Variants in ARHGAP20 observed in about 807,000 individuals in gnomAD.
ARHGAP20 encodes rho GTPase-activating protein 20.
A neutral mutation model predicts 73.7 loss-of-function variants in ARHGAP20; 34 were observed. The ratio of observed to expected loss-of-function variants is 0.46; its 90% CI spans 0.35 to 0.61. The LOEUF (loss-of-function observed/expected upper bound fraction) is 0.61, where lower values mean the gene tolerates loss of function less well. Among genes scored for constraint, ARHGAP20 ranks in the 20% least tolerant of loss-of-function variants. The pLI is 0.00. For missense variants in ARHGAP20, 1,314 were observed against 1,420.9 expected (o/e 0.92, Z 1.21); for synonymous variants, 523 against 518.2 (o/e 1.01, Z -0.13).
At chr11:110,660,067 A>C (rs1192896869) in intron 2 of ARHGAP20, among the ~76,000 whole-genome samples, 3 of 150,958 alleles carry the variant, frequency 2.0e-5, no homozygotes, top group Admixed American at 6.6e-5. Context: ...AAAACAAAAA[A>C]AAAAAAAAAA....
Position 110,642,701 on chromosome 11 carries a change from G to A in ARHGAP20, c.189-11909C>T, listed in dbSNP as rs190768082. On this transcript the variant is annotated intron_variant, in intron 2 of 14. Transcript: ENST00000683387. ...ATTTGGTTTGGTAGTATTTTGTCGAGGATTTTTGTGTCTATGTTCCTCAAG... is the reference window on the plus strand; with the variant it reads ...ATTTGGTTTGGTAGTATTTTGTCGAAGATTTTTGTGTCTATGTTCCTCAAG... Among the ~76,000 whole-genome samples, 42 of 152,120 alleles carry A rather than the reference G, an allele frequency of 2.8e-4. No homozygotes were observed. The East Asian group carries it at 7.3e-3, about 27-fold the overall frequency.
chr11:110,698,127 C>A (rs77056964), intron 1 of ARHGAP20, among the ~76,000 whole-genome samples: 5 of 151,422 alleles, frequency 3.3e-5, no homozygotes, highest in African/African-American at 1.2e-4. Context: ...GTTTTTATCA[C>A]GAAGGATGTT....
rs149959789 is a variant in ARHGAP20 at position 110,682,957 on chromosome 11, A to G, written c.188+7590T>C. ...ACCAAGTACTTTCTCTTATACCACA[A>G]TTCTTCCCTGGTGTTGTCTGTCCCT... On this transcript the variant is annotated intron_variant, in intron 2 of 14. Transcript: ENST00000683387. Among the ~76,000 whole-genome samples, 149 of 152,028 alleles carry G rather than the reference A, an allele frequency of 9.8e-4. 1 individual carries two copies. The East Asian group carries it at 0.027, about 27-fold the overall frequency.
chr11:110,606,677 T>C lies in ARHGAP20; in HGVS notation c.848A>G (p.Asp283Gly). The change falls in exon 9 of 15, where the codon GAC becomes GGC. Residue 283 changes from aspartate (D) to glycine (G), a missense_variant. Asp to Gly is a moderately conservative substitution (Grantham distance 94). This residue lies in a region of ARHGAP20 where 443 missense variants were observed against 466.4 expected (regional missense o/e 0.95). Transcript: ENST00000683387. The stretch of plus-strand genomic sequence containing the variant: ...CTGGAGGTTGAAAGGGGTGGTAGAG[T>C]CCTTTGATCCCGGTGTCAGGAGTGC... The part of the protein sequence containing the change: ...DSALLTPGSK[D>G]STTPFNLQEP... The C allele has an allele frequency of 6.2e-7, 1 of 1,603,554 alleles. No homozygotes were observed. The highest frequency in any genetic ancestry group is 1.7e-4 in the Middle Eastern group (1 of 5,940).
intron 4 of ARHGAP20, among the ~76,000 whole-genome samples, chr11:110,621,318 T>G (rs1448589142): frequency 1.3e-5 from 2 of 152,108 alleles, no homozygotes; most frequent in Non-Finnish European, 2.9e-5. Flanking sequence ...TTACCAAATT[T>G]AGGTAGTTTT....
intron 12 of ARHGAP20, 137 bp from the exon 13 acceptor site, chr11:110,583,874 AC>A: frequency 1.5e-6 from 1 of 650,340 alleles, no homozygotes; most frequent in Non-Finnish European, 2.3e-6. Flanking sequence ...TTAACATGGT[AC>A]CATACAAAGT....
rs1442717707 is a variant in ARHGAP20 at position 110,580,820 on chromosome 11, T to G, written c.2126A>C (p.Asp709Ala). The G allele has an allele frequency of 6.2e-7, 1 of 1,614,028 alleles. No homozygotes were observed. Among genetic ancestry groups the G allele is most frequent in the East Asian group, 2.2e-5 (1 of 44,894 alleles). The change falls in exon 15 of 15, where the codon GAC (aspartate) becomes GCC (alanine). Residue 709 changes from aspartate (D) to alanine (A), a missense_variant. Asp to Ala is a moderately radical substitution (Grantham distance 126). This residue lies in a region of ARHGAP20 where 641 missense variants were observed against 636.9 expected (regional missense o/e 1.01). Coordinates refer to ENST00000683387, the MANE Select transcript of ARHGAP20 (RefSeq NM_001384657.1). ...RHRRCSEPSIDYLDSKLSYLR... is the reference protein window; with the variant it reads ...RHRRCSEPSIAYLDSKLSYLR... The stretch of plus-strand genomic sequence containing the variant: ...GTAGGAAAGCTTTGAATCCAGATAG[T>G]CGATGCTGGGCTCTGAGCAACGCCG...
chr11:110,581,931 A>C (rs1947481568), intron 14 of ARHGAP20, among the ~76,000 whole-genome samples: 1 of 61,542 alleles, frequency 1.6e-5, no homozygotes, highest in Non-Finnish European at 3.7e-5. Context: ...AGGAGAGGAC[A>C]AAAAAAAAAA....
intron 4 of ARHGAP20, among the ~76,000 whole-genome samples, chr11:110,617,260 T>C (rs1157060998): frequency 6.6e-6 from 1 of 151,804 alleles, no homozygotes; most frequent in African/African-American, 2.4e-5. Flanking sequence ...ATTTTCTTTT[T>C]CTTTCTTTTT....
At chr11:110,598,230 A>T (rs1216892359) in intron 9 of ARHGAP20, among the ~76,000 whole-genome samples, 1 of 152,122 alleles carries the variant, frequency 6.6e-6, no homozygotes, top group East Asian at 1.9e-4. Flanking sequence ...GTAAACAGAA[A>T]AAAAGATGTA....
chr11:110,582,395 C>T lies in ARHGAP20; in HGVS notation c.1646G>A (p.Arg549Lys). The change falls in exon 14 of 15, where the codon AGG becomes AAG. Residue 549 changes from arginine to lysine, a missense_variant. Transcript: ENST00000683387. The stretch of plus-strand genomic sequence containing the variant: ...GGAAGTGATTTCTTCTCCAAATATC[C>T]TAAGGCAATTCTCAATCAGAAATTG... ...LIQFLIENCLRIFGEEITSLF... is the reference protein window; with the variant it reads ...LIQFLIENCLKIFGEEITSLF... 1 of 1,613,844 alleles carries T rather than the reference C, an allele frequency of 6.2e-7. No individual in the cohort carries two copies. The highest frequency in any genetic ancestry group is 1.6e-4 in the Middle Eastern group (1 of 6,062).
chr11:110,630,963 G>A (rs1272712450), intron 2 of ARHGAP20, among the ~76,000 whole-genome samples, 171 bp from the exon 3 acceptor site: 1 of 151,994 alleles, frequency 6.6e-6, no homozygotes, highest in Non-Finnish European at 1.5e-5. Context: ...TTGAAACAAA[G>A]AAAAGTTGAA....
chr11:110,656,320 CT>C (rs1041415226), intron 2 of ARHGAP20, among the ~76,000 whole-genome samples: 24 of 152,114 alleles, frequency 1.6e-4, no homozygotes, highest in Admixed American at 3.3e-4. Flanking sequence ...TCTCATTTTC[CT>C]GCCCCTCCTC....
At chr11:110,639,095 G>A (rs1949027202) in intron 2 of ARHGAP20, among the ~76,000 whole-genome samples, 1 of 151,882 alleles carries the variant, frequency 6.6e-6, no homozygotes, top group South Asian at 2.1e-4. Flanking sequence ...GCATCTATAT[G>A]TACTGTCTAG....
At chr11:110,689,093 G>T (rs1311359611) in intron 2 of ARHGAP20, among the ~76,000 whole-genome samples, 2 of 148,820 alleles carry the variant, frequency 1.3e-5, no homozygotes, top group Admixed American at 1.4e-4. Context: ...CCGCCTCCCC[G>T]GTTCACGCCA....
rs1948467948 is a variant in ARHGAP20, at chr11:110,615,658, A to C, written c.504-64T>G. The C allele has an allele frequency of 4.9e-6, 7 of 1,422,850 alleles. No individual in the cohort carries two copies. In the South Asian group the frequency reaches 8.4e-5, roughly 17 times the overall value. 88.1% of individuals were successfully genotyped at this position (1,422,850 alleles called of 1,614,324 possible). A position where few individuals can be genotyped will look rare whatever the true frequency, so the allele number is the denominator to read the frequency against. ...ATAAAATACAAATGCTAACAGATTT[A>C]GGATTGTCAATCCAGATGAAAATAT... On this transcript the variant is annotated intron_variant, in intron 4 of 14. Transcript: ENST00000683387.
chr11:110,648,933 G>A (rs1949288061), intron 2 of ARHGAP20, among the ~76,000 whole-genome samples: 1 of 151,934 alleles, frequency 6.6e-6, no homozygotes, highest in Non-Finnish European at 1.5e-5. Flanking sequence ...TTTATTCTAG[G>A]TAGAATAAAA....
At chr11:110,684,114 A>G (rs1950087393) in intron 2 of ARHGAP20, among the ~76,000 whole-genome samples, 1 of 152,164 alleles carries the variant, frequency 6.6e-6, no homozygotes. Flanking sequence ...ATACTTATAT[A>G]TAAAAAGATA....
At chr11:110,660,064 A>AACAAAAAAAAC (rs1555097586) in intron 2 of ARHGAP20, among the ~76,000 whole-genome samples, 35 of 128,862 alleles carry the variant, frequency 2.7e-4, no homozygotes, top group African/African-American at 1.2e-3. Flanking sequence ...TAAAAAACAA[A>AACAAAAAAAAC]AAAAAAAAAA....
Sources: gnomAD v4.1 joint callset for allele counts (sites outside exome capture counted in the v4.1 genomes callset) on GRCh38, gnomAD v4.1.1 for gene constraint, gnomAD v4.1.1 regional missense constraint, MANE v1.5 for transcripts, NCBI Gene and HGNC (gene_info 2026-07-23, HGNC 2026-07-21) for gene names.